The following SYNE1 variants were observed in gnomAD, a reference collection of about 807,000 sequenced individuals.
SYNE1 encodes the protein nesprin-1.
SYNE1 carries 616 observed loss-of-function variants against 1,111.0 expected under a neutral mutation model. The ratio of observed to expected loss-of-function variants is 0.55; its 90% confidence interval spans 0.52 to 0.59. The LOEUF is 0.59. SYNE1 is among the 20% of genes least tolerant of loss of function. The pLI, the probability that SYNE1 is intolerant of heterozygous loss-of-function variation, is 0.00. For missense variants in SYNE1, 10,006 were observed against 10,417.0 expected (o/e 0.96, Z 1.72); for synonymous variants, 3,855 against 3,825.8 (o/e 1.01, Z -0.28).
At chr6:152,186,763 A>G (rs1475821109) in intron 128 of SYNE1, among the ~76,000 whole-genome samples, 1 of 152,000 alleles carries the variant, frequency 6.6e-6, no homozygotes, top group Non-Finnish European at 1.5e-5. Context: ...AAAGCAATAG[A>G]TCTGGTCTAA....
intron 91 of SYNE1, among the ~76,000 whole-genome samples, chr6:152,308,159 G>T (rs969317656): frequency 6.6e-6 from 1 of 152,106 alleles, no homozygotes; most frequent in Admixed American, 6.5e-5. Flanking sequence ...AAGCGTTGCT[G>T]TTTCTCGTAG....
At chr6:152,125,518 A>C (rs778112356) in intron 145 of SYNE1, 7 of 974,794 alleles carry the variant, frequency 7.2e-6, no homozygotes, top group Non-Finnish European at 8.6e-6. Flanking sequence ...AAAGTGTCTT[A>C]AGAAGGATAG....
At chr6:152,389,224 C>T (rs968181100) in intron 53 of SYNE1, among the ~76,000 whole-genome samples, 5 of 152,084 alleles carry the variant, frequency 3.3e-5, no homozygotes, top group Non-Finnish European at 5.9e-5. Flanking sequence ...ATTGTAGGTT[C>T]AAAGGTACGT....
chr6:152,258,415 G>A (rs991366426), intron 101 of SYNE1, among the ~76,000 whole-genome samples: 5 of 152,074 alleles, frequency 3.3e-5, no homozygotes, highest in African/African-American at 4.8e-5. Context: ...TGCATTATGC[G>A]AATTATTATA....
intron 75 of SYNE1, among the ~76,000 whole-genome samples, 191 bp from the exon 76 acceptor site, chr6:152,337,208 T>TA (rs938680210): frequency 7.9e-5 from 12 of 152,008 alleles, no homozygotes; most frequent in South Asian, 6.2e-4. Context: ...AGATTTTTTT[T>TA]AAAAAAATGT....
chr6:152,451,625 G>C (rs930730190), intron 25 of SYNE1, among the ~76,000 whole-genome samples: 1 of 151,756 alleles, frequency 6.6e-6, no homozygotes, highest in Non-Finnish European at 1.5e-5. Context: ...TGGGACTACA[G>C]GCAGCACCAC....
intron 3 of SYNE1, among the ~76,000 whole-genome samples, chr6:152,617,919 G>A (rs1276500021): frequency 6.6e-6 from 1 of 152,076 alleles, no homozygotes; most frequent in Non-Finnish European, 1.5e-5. Context: ...ATTGTTCGGG[G>A]GATTGCAACA....
At chr6:152,462,979 A>G in intron 19 of SYNE1, 89 bp from the exon 20 acceptor site, 1 of 1,476,732 alleles carries the variant, frequency 6.8e-7, no homozygotes, top group Non-Finnish European at 9.4e-7. Context: ...TATTCGCTGG[A>G]ATTGTTATCC....
At chr6:152,280,493 G>C (rs952091182) in intron 97 of SYNE1, among the ~76,000 whole-genome samples, 3 of 151,860 alleles carry the variant, frequency 2.0e-5, no homozygotes, top group African/African-American at 7.3e-5. Flanking sequence ...TGTGGACCAA[G>C]ACAATTCTTC....
chr6:152,271,590 G>A (rs1343042715), intron 98 of SYNE1, among the ~76,000 whole-genome samples: 1 of 152,164 alleles, frequency 6.6e-6, no homozygotes, highest in Non-Finnish European at 1.5e-5. Flanking sequence ...AAGTTTGGGT[G>A]GATGGGCATT....
intron 39 of SYNE1, among the ~76,000 whole-genome samples, chr6:152,424,632 C>T (rs745309148): frequency 2.0e-4 from 30 of 151,970 alleles, no homozygotes; most frequent in Middle Eastern, 3.4e-3. Flanking sequence ...CAGCAGGCAC[C>T]TGATATATAT....
At chr6:152,435,223 C>T (rs191437838) in intron 33 of SYNE1, 1 of 152,084 alleles carries the variant, frequency 6.6e-6, no homozygotes. Context: ...TAATAATATG[C>T]TATTATGTAT....
rs2154126538 is a variant in SYNE1 at position 152,387,035 on chromosome 6, T to C, written c.8487+37A>G. 7 of 1,547,066 alleles carry C rather than the reference T, an allele frequency of 4.5e-6. No individual in the cohort carries two copies. The East Asian group carries it at 1.6e-4, about 35-fold the overall frequency. ...TATAAATCAATATATTGTATTAATG[T>C]ATTATAAAGCATCTACTTTCAATAT... On this transcript the variant is annotated intron_variant, in intron 54 of 145. Coordinates refer to ENST00000367255, the MANE Select transcript of SYNE1 (RefSeq NM_182961.4).
intron 97 of SYNE1, among the ~76,000 whole-genome samples, chr6:152,280,363 C>T (rs555873677): frequency 3.7e-4 from 57 of 152,226 alleles, no homozygotes; most frequent in African/African-American, 1.2e-3. Flanking sequence ...GACCATGGGC[C>T]GCATGTGGCC....
At chr6:152,499,820 T>C (rs1054024127) in intron 10 of SYNE1, among the ~76,000 whole-genome samples, 7 of 152,178 alleles carry the variant, frequency 4.6e-5, no homozygotes, top group Non-Finnish European at 7.4e-5. Context: ...ATCATATGCA[T>C]CCTCTTTTTA....
chr6:152,427,859 C>A lies in SYNE1; in HGVS notation c.4977-43G>T, dbSNP rs748873917. On this transcript the variant is annotated intron_variant, in intron 37 of 145. Coordinates refer to ENST00000367255, the MANE Select transcript of SYNE1 (RefSeq NM_182961.4). ...CAGAAACAAATTTATTGAAAATTAT[C>A]ATGCTAGCAGATTAAACCTTTGTGA... 11 of 1,613,062 alleles carry A rather than the reference C, an allele frequency of 6.8e-6. No homozygotes were observed. The East Asian group carries it at 2.5e-4, about 36-fold the overall frequency.
chr6:152,133,568 A>G (rs1027711302), intron 142 of SYNE1, 80 bp from the exon 143 acceptor site: 16 of 1,387,896 alleles, frequency 1.2e-5, no homozygotes, highest in Admixed American at 3.8e-5. Context: ...AATGCAATCA[A>G]CTTAACTTGG....
At chr6:152,416,355 G>A in intron 41 of SYNE1, 32 bp downstream of exon 41, 1 of 1,611,842 alleles carries the variant, frequency 6.2e-7, no homozygotes, top group Non-Finnish European at 8.5e-7. Context: ...CAAAAGAAAA[G>A]AGACAAGTGG....
At chr6:152,349,342 C>T (rs2096701713) in intron 72 of SYNE1, among the ~76,000 whole-genome samples, 1 of 152,154 alleles carries the variant, frequency 6.6e-6, no homozygotes, top group African/African-American at 2.4e-5. Context: ...TTGTGATTTA[C>T]AAAATGTCTT....
Sources: allele counts gnomAD v4.1 joint callset (sites outside exome capture counted in the v4.1 genomes callset), GRCh38; gene constraint gnomAD v4.1.1; transcripts MANE v1.5; gene names NCBI Gene and HGNC (gene_info 2026-07-23, HGNC 2026-07-21).